Variants in ESRRG observed in about 807,000 individuals in gnomAD.
ESRRG encodes the protein estrogen-related receptor gamma.
ESRRG carries 13 observed loss-of-function variants against 44.0 expected under a neutral mutation model. That is an observed-to-expected ratio of 0.30 (90% confidence interval 0.19 to 0.47). The LOEUF is 0.47. Among genes scored for constraint, ESRRG ranks in the 20% least tolerant of loss-of-function variants. ESRRG has a pLI of 1.00. For missense variants in ESRRG, 395 were observed against 580.6 expected, an observed-to-expected ratio of 0.68 and a Z score of 3.29; for synonymous variants, 215 against 214.6, an observed-to-expected ratio of 1.00 and a Z score of -0.02.
intron 6 of ESRRG, among the ~76,000 whole-genome samples, chr1:216,518,363 G>T (rs145378257): frequency 4.6e-5 from 7 of 152,238 alleles, no homozygotes; most frequent in African/African-American, 1.4e-4. Context: ...AAAGTTCAAA[G>T]ATAGGGTCAA....
intron 2 of ESRRG, among the ~76,000 whole-genome samples, chr1:216,827,246 T>G (rs898535424): frequency 1.3e-5 from 2 of 152,240 alleles, no homozygotes; most frequent in African/African-American, 2.4e-5. Flanking sequence ...AGTGATATAC[T>G]GATCTGATTT....
At chr1:216,821,008 T>C (rs1303555260) in intron 2 of ESRRG, among the ~76,000 whole-genome samples, 2 of 152,176 alleles carry the variant, frequency 1.3e-5, no homozygotes, top group Non-Finnish European at 2.9e-5. Flanking sequence ...AGGAATAAAC[T>C]ACATTACGAA....
At chr1:216,977,341 T>TATACACACACACACACACACACACAC (rs146010546) in intron 1 of ESRRG, among the ~76,000 whole-genome samples, 3 of 144,084 alleles carry the variant, frequency 2.1e-5, no homozygotes, top group South Asian at 4.4e-4. Context: ...GGAGGATACA[T>TATACACACACACACACACACACACAC]ACACACACAC....
At chr1:216,639,610 C>T (rs1003216639) in intron 3 of ESRRG, among the ~76,000 whole-genome samples, 1 of 152,124 alleles carries the variant, frequency 6.6e-6, no homozygotes, top group Non-Finnish European at 1.5e-5. Context: ...CATTCTACTC[C>T]TTAAATTTCC....
intron 2 of ESRRG, among the ~76,000 whole-genome samples, chr1:216,658,235 G>A (rs1386145182): frequency 6.6e-6 from 1 of 152,050 alleles, no homozygotes; most frequent in East Asian, 1.9e-4. Flanking sequence ...AATGAAAAAT[G>A]CTTAGCTTTT....
intron 1 of ESRRG, among the ~76,000 whole-genome samples, chr1:217,035,680 GA>G (rs768545009): frequency 0.015 from 2,117 of 138,578 alleles, 35 homozygotes; most frequent in African/African-American, 0.044. Context: ...GGGATTCCGT[GA>G]AAAAAAAAAA....
chr1:216,773,050 G>A (rs1051569497), intron 2 of ESRRG, among the ~76,000 whole-genome samples: 6 of 152,080 alleles, frequency 3.9e-5, no homozygotes, highest in Non-Finnish European at 8.8e-5. Flanking sequence ...GTCTTAGTCT[G>A]CCCTTGATCT....
At chr1:216,721,401 G>A (rs1341468401) in intron 1 of ESRRG, among the ~76,000 whole-genome samples, 2 of 152,224 alleles carry the variant, frequency 1.3e-5, no homozygotes, top group Admixed American at 1.3e-4. Flanking sequence ...AGGCAGATGC[G>A]TTGCTTAGCG....
chr1:216,779,533 T>TAAATATATA (rs2093839656), intron 2 of ESRRG, among the ~76,000 whole-genome samples: 1 of 10,986 alleles, frequency 9.1e-5, no homozygotes, highest in African/African-American at 2.6e-4. Context: ...AATATAAATA[T>TAAATATATA]TTATATTTAT....
intron 3 of ESRRG, among the ~76,000 whole-genome samples, chr1:216,634,374 T>C (rs552305958): frequency 1.3e-5 from 2 of 150,372 alleles, no homozygotes; most frequent in African/African-American, 4.9e-5. Flanking sequence ...AGTGTTCTCC[T>C]GGGGGAAAAG....
At chr1:216,967,075 CT>C (rs1360317828) in intron 1 of ESRRG, among the ~76,000 whole-genome samples, 1 of 152,008 alleles carries the variant, frequency 6.6e-6, no homozygotes, top group Non-Finnish European at 1.5e-5. Context: ...ATAAATTTTA[CT>C]GTTTAGAGTA....
At chr1:216,715,411 A>T (rs551350106) in intron 1 of ESRRG, among the ~76,000 whole-genome samples, 1 of 152,272 alleles carries the variant, frequency 6.6e-6, no homozygotes, top group South Asian at 2.1e-4. Context: ...CCTCCTCAAA[A>T]TATCTGATCT....
chr1:216,556,351 C>T (rs10863253), intron 5 of ESRRG, among the ~76,000 whole-genome samples: 22,159 of 152,070 alleles, frequency 0.15, 2,097 homozygotes, highest in Non-Finnish European at 0.2. Context: ...AATGACTGAG[C>T]TCATCCTGTC....
chr1:216,769,861 G>T (rs1576352248), intron 2 of ESRRG, among the ~76,000 whole-genome samples: 2 of 152,010 alleles, frequency 1.3e-5, no homozygotes, highest in Admixed American at 6.6e-5. Context: ...GATATGAGGT[G>T]GTATGGAAAC....
intron 1 of ESRRG, among the ~76,000 whole-genome samples, chr1:217,030,931 C>T (rs1161235111): frequency 1.3e-5 from 2 of 152,198 alleles, no homozygotes; most frequent in Non-Finnish European, 2.9e-5. Flanking sequence ...GAGCATGAGA[C>T]TTAAAATTAA....
chr1:217,010,193 T>C (rs2789573), intron 1 of ESRRG, among the ~76,000 whole-genome samples: 29,808 of 151,802 alleles, frequency 0.2, 3,196 homozygotes, highest in East Asian at 0.45. Context: ...ATGTAGTCAT[T>C]AACACAATTT....
chr1:216,920,383 AGTGTGT>A (rs10534433), intron 2 of ESRRG, among the ~76,000 whole-genome samples: 4,255 of 124,090 alleles, frequency 0.034, 81 homozygotes, highest in Middle Eastern at 0.065. Flanking sequence ...AATGTATGGG[AGTGTGT>A]GTGTGTGTGT....
intron 1 of ESRRG, among the ~76,000 whole-genome samples, chr1:217,070,055 T>C (rs2090360753): frequency 1.3e-5 from 2 of 152,222 alleles, no homozygotes; most frequent in South Asian, 2.1e-4. Context: ...TTGATTCTAA[T>C]TGGAAGAGAT....
intron 1 of ESRRG, among the ~76,000 whole-genome samples, chr1:217,087,162 G>A (rs2092131670): frequency 1.3e-5 from 2 of 152,168 alleles, no homozygotes; most frequent in Admixed American, 1.3e-4. Context: ...CCTCTGGCGG[G>A]CTTTCGCTAA....
Sources: allele counts gnomAD v4.1 joint callset (sites outside exome capture counted in the v4.1 genomes callset), GRCh38; gene constraint gnomAD v4.1.1; transcripts MANE v1.5; gene names NCBI Gene and HGNC (gene_info 2026-07-23, HGNC 2026-07-21).